The following STXBP4 variants were observed in gnomAD, a reference collection of about 807,000 sequenced individuals.
The protein encoded by STXBP4 is syntaxin-binding protein 4.
In STXBP4, 55 loss-of-function variants were observed where a neutral mutation model predicts 76.1. That is an observed-to-expected ratio of 0.72 (90% CI 0.58 to 0.91). The LOEUF (loss-of-function observed/expected upper bound fraction) is 0.91, where lower values mean the gene tolerates loss of function less well. Among genes scored for constraint, STXBP4 ranks in the 40% least tolerant of loss-of-function variants. The pLI, the probability that STXBP4 is intolerant of heterozygous loss-of-function variation, is 0.00. For synonymous variants in STXBP4, 201 were observed against 220.2 expected, an observed-to-expected ratio of 0.91 and a Z score of 0.77; for missense variants, 618 against 636.9, an observed-to-expected ratio of 0.97 and a Z score of 0.32.
In STXBP4 at chr17:55,011,514, T is replaced by TTTTTA. The variant is rs2078111964; in HGVS notation, c.666+3921_666+3922insATTTT. Among the ~76,000 whole-genome samples the TTTTTA allele has an allele frequency of 2.1e-5, 3 of 143,432 alleles. 1 individual carries two copies. In the East Asian group the frequency reaches 6.1e-4, roughly 29 times the overall value. 94.1% of individuals were successfully genotyped at this position (143,432 alleles called of 152,430 possible). A position where few individuals can be genotyped will look rare whatever the true frequency, so the allele number is the denominator to read the frequency against. On this transcript the variant is annotated intron_variant, in intron 8 of 17. Transcript: ENST00000376352. ...AAGAGTTTATTTTCTTTTTCTTTTTTTTTTTTTTTTTGCAGTTGCAAGATT... is the reference window on the plus strand; with the variant it reads ...AAGAGTTTATTTTCTTTTTCTTTTTTTTTTATTTTTTTTTTTGCAGTTGCAAGATT...
chr17:54,977,150 C>T (rs1373540504), intron 1 of STXBP4, among the ~76,000 whole-genome samples: 2 of 152,120 alleles, frequency 1.3e-5, no homozygotes, highest in Non-Finnish European at 2.9e-5. Context: ...ATTTTGGTAA[C>T]ACCCCCAAGA....
At chr17:55,145,099 A>T (rs896320157) in intron 17 of STXBP4, among the ~76,000 whole-genome samples, 3 of 152,124 alleles carry the variant, frequency 2.0e-5, no homozygotes, top group Non-Finnish European at 2.9e-5. Context: ...CAACTAGGTG[A>T]TGTTGTCAGA....
At chr17:55,116,502 G>A (rs2079781774) in intron 16 of STXBP4, among the ~76,000 whole-genome samples, 1 of 151,772 alleles carries the variant, frequency 6.6e-6, no homozygotes, top group Admixed American at 6.6e-5. Context: ...ATTTAAAACA[G>A]TTTGGGATTT....
intron 9 of STXBP4, among the ~76,000 whole-genome samples, chr17:55,032,223 A>G (rs1269179649): frequency 2.0e-5 from 3 of 152,108 alleles, no homozygotes; most frequent in Non-Finnish European, 4.4e-5. Context: ...ACATTGTATT[A>G]TTTATAAAGC....
intron 12 of STXBP4, among the ~76,000 whole-genome samples, chr17:55,059,934 G>A (rs2078974979): frequency 6.6e-6 from 1 of 152,104 alleles, no homozygotes; most frequent in African/African-American, 2.4e-5. Flanking sequence ...TCAAGTCTTT[G>A]TAGTTTAGTG....
the STXBP4 span, among the ~76,000 whole-genome samples, chr17:55,204,643 C>G: frequency 6.6e-6 from 1 of 152,034 alleles, no homozygotes; most frequent in Non-Finnish European, 1.5e-5. Flanking sequence ...GGGCCCTGAT[C>G]TCAATTTTTA....
intron 16 of STXBP4, among the ~76,000 whole-genome samples, chr17:55,091,642 A>G (rs183876434): frequency 2.1e-4 from 32 of 152,310 alleles, no homozygotes; most frequent in Admixed American, 9.2e-4. Context: ...CAGCTTTGAT[A>G]TATTTTTTTC....
At chr17:55,096,251 G>C (rs1354140366) in intron 16 of STXBP4, among the ~76,000 whole-genome samples, 1 of 152,082 alleles carries the variant, frequency 6.6e-6, no homozygotes, top group East Asian at 1.9e-4. Flanking sequence ...AATCTCCCTG[G>C]CTCAGGTGAT....
At chr17:55,087,140 G>A (rs957390949) in intron 16 of STXBP4, among the ~76,000 whole-genome samples, 25 of 152,020 alleles carry the variant, frequency 1.6e-4, no homozygotes, top group East Asian at 1.9e-4. Context: ...TTTTCTGCTA[G>A]TAGTTTGAGT....
chr17:55,091,498 A>G (rs2079414196), intron 16 of STXBP4, among the ~76,000 whole-genome samples: 1 of 152,212 alleles, frequency 6.6e-6, no homozygotes, highest in African/African-American at 2.4e-5. Flanking sequence ...ATATGGCCCC[A>G]GAAGTGGAAA....
At chr17:55,025,826 T>C (rs922870503) in intron 8 of STXBP4, among the ~76,000 whole-genome samples, 4 of 152,188 alleles carry the variant, frequency 2.6e-5, no homozygotes, top group Admixed American at 6.5e-5. Context: ...GCATCCAGAT[T>C]GCAGGAAGAA....
At chr17:55,156,452 A>ATC (rs2080278217) in intron 17 of STXBP4, among the ~76,000 whole-genome samples, 1 of 152,242 alleles carries the variant, frequency 6.6e-6, no homozygotes, top group Non-Finnish European at 1.5e-5. Context: ...CCCTTCCAGC[A>ATC]TCATAGGAAG....
In STXBP4 at chr17:55,116,872, T is replaced by A. The variant is rs555915603; in HGVS notation, c.1490-24438T>A. Reference sequence around the variant, plus strand: ...ACAATGTATTCCTTCTCTGCACACCTACCACTAATAATAAAATGAGTCAGC... The same window carrying A: ...ACAATGTATTCCTTCTCTGCACACCAACCACTAATAATAAAATGAGTCAGC... On this transcript the variant is annotated intron_variant, in intron 16 of 17. Coordinates refer to ENST00000376352, the MANE Select transcript of STXBP4 (RefSeq NM_178509.6). Among the ~76,000 whole-genome samples the A allele has an allele frequency of 3.1e-4, 47 of 151,802 alleles. No homozygotes were observed. In the South Asian group the frequency reaches 5.2e-3, roughly 17 times the overall value.
chr17:55,207,127 A>T, the STXBP4 span, among the ~76,000 whole-genome samples: 4 of 152,088 alleles, frequency 2.6e-5, no homozygotes, highest in Non-Finnish European at 5.9e-5. Flanking sequence ...TTCTGTCAAG[A>T]TGTCTAAAGT....
intron 17 of STXBP4, among the ~76,000 whole-genome samples, chr17:55,141,819 A>G (rs1466094716): frequency 1.3e-5 from 2 of 152,176 alleles, no homozygotes; most frequent in Non-Finnish European, 2.9e-5. Flanking sequence ...GCAGTGTTCC[A>G]CGCCCTGCAG....
chr17:55,107,515 G>A (rs1472675084), intron 16 of STXBP4, among the ~76,000 whole-genome samples: 1 of 152,212 alleles, frequency 6.6e-6, no homozygotes, highest in Non-Finnish European at 1.5e-5. Flanking sequence ...AGGATAAGAA[G>A]CATTCTGGTT....
intron 8 of STXBP4, among the ~76,000 whole-genome samples, chr17:55,011,510 T>TTTTTC (rs1555566822): frequency 7.1e-6 from 1 of 141,124 alleles, no homozygotes; most frequent in Non-Finnish European, 1.5e-5. Flanking sequence ...TTCTTTTTCT[T>TTTTTC]TTTTTTTTTT....
chr17:55,045,168 C>G (rs183907668), intron 11 of STXBP4, among the ~76,000 whole-genome samples: 3 of 152,138 alleles, frequency 2.0e-5, no homozygotes, highest in African/African-American at 7.2e-5. Flanking sequence ...AAAGGTTTTG[C>G]CAATTCACAT....
chr17:54,980,828 A>T (rs989422418), intron 1 of STXBP4, among the ~76,000 whole-genome samples: 25 of 152,340 alleles, frequency 1.6e-4, no homozygotes, highest in Admixed American at 3.9e-4. Flanking sequence ...CACAGTAGAA[A>T]CAGGCTTGTC....
Sources: allele counts gnomAD v4.1 joint callset (sites outside exome capture counted in the v4.1 genomes callset), GRCh38; gene constraint gnomAD v4.1.1; transcripts MANE v1.5; gene names NCBI Gene and HGNC (gene_info 2026-07-23, HGNC 2026-07-21).